The following SAMD4A variants were observed in gnomAD, a reference collection of about 807,000 sequenced individuals.
SAMD4A encodes the protein sterile alpha motif domain containing 4A.
SAMD4A carries 33 observed loss-of-function variants against 81.3 expected under a neutral mutation model. The observed-to-expected ratio is 0.41, with a 90% CI of 0.31 to 0.54. SAMD4A has a LOEUF of 0.54. Among genes scored for constraint, SAMD4A ranks in the 20% least tolerant of loss-of-function variants. SAMD4A has a pLI of 0.37. For missense variants in SAMD4A, 854 were observed against 951.1 expected (o/e 0.90, Z 1.34); for synonymous variants, 389 against 382.1 (o/e 1.02, Z -0.21).
chr14:54,772,029 G>A (rs551198271), intron 9 of SAMD4A, among the ~76,000 whole-genome samples: 4 of 152,290 alleles, frequency 2.6e-5, no homozygotes, highest in Admixed American at 2.6e-4. Flanking sequence ...TGTTCAACTG[G>A]ATGTTACTAT....
rs2039288756 is a variant in SAMD4A, at chr14:54,793,224, C to T, written c.*4280C>T. On this transcript the variant is annotated 3_prime_UTR_variant, in exon 13 of 13. Coordinates refer to ENST00000554335, the MANE Select transcript of SAMD4A (RefSeq NM_015589.6). ...GCTACAATGTATTTATTATTCATTT[C>T]CTCCCATGTAACTAAGAATCATGGC... The T allele has an allele frequency of 6.6e-6, 1 of 152,166 alleles. No homozygotes were observed. Among genetic ancestry groups the T allele is most frequent in the South Asian group, 2.1e-4 (1 of 4,828 alleles). The allele number at this position is 152,166 out of a possible 1,614,324, so 9.4% of individuals were successfully genotyped here. A position where few individuals can be genotyped will look rare whatever the true frequency, so the allele number is the denominator to read the frequency against.
At chr14:54,586,867 C>T (rs1163394764) in intron 2 of SAMD4A, among the ~76,000 whole-genome samples, 3 of 152,094 alleles carry the variant, frequency 2.0e-5, no homozygotes, top group African/African-American at 7.2e-5. Context: ...GTGATTCCTC[C>T]AGATTTGTGA....
Position 54,784,320 on chromosome 14 carries a change from T to C in SAMD4A, c.2045-217T>C, listed in dbSNP as rs1186630784. 5.2e-6 allele frequency: 8 copies of C among 1,537,576 alleles called. No individual in the cohort carries two copies. In the African/African-American group the frequency reaches 1.1e-4, roughly 21 times the overall value. ...AGACTGTGACATGACCAGCTATTTTTAGTCTCCGTTTTGTTCCAGGTTCCC... is the reference window on the plus strand; with the variant it reads ...AGACTGTGACATGACCAGCTATTTTCAGTCTCCGTTTTGTTCCAGGTTCCC... On this transcript the variant is annotated intron_variant, in intron 11 of 12. Transcript: ENST00000554335.
intron 3 of SAMD4A, among the ~76,000 whole-genome samples, chr14:54,717,354 A>C (rs1215000518): frequency 6.6e-6 from 1 of 151,468 alleles, no homozygotes; most frequent in Non-Finnish European, 1.5e-5. Flanking sequence ...AGGCAGAAGG[A>C]TCGCTTGAGC....
chr14:54,617,120 T>C (rs1008064332), intron 2 of SAMD4A, among the ~76,000 whole-genome samples: 1 of 152,168 alleles, frequency 6.6e-6, no homozygotes, highest in Admixed American at 6.5e-5. Flanking sequence ...TTTAATTGTG[T>C]GGTGATGTTT....
chr14:54,770,713 T>A (rs2139912155), intron 9 of SAMD4A, among the ~76,000 whole-genome samples: 1 of 152,358 alleles, frequency 6.6e-6, no homozygotes, highest in East Asian at 1.9e-4. Context: ...AGTGGAGCAG[T>A]ACAATTCTTG....
chr14:54,649,376 C>T (rs1409687323), intron 2 of SAMD4A, among the ~76,000 whole-genome samples: 3 of 152,014 alleles, frequency 2.0e-5, no homozygotes, highest in Non-Finnish European at 2.9e-5. Flanking sequence ...AGGAGTTGAC[C>T]CAGGAGAGAA....
At chr14:54,777,623 A>C (rs2038890596) in intron 11 of SAMD4A, among the ~76,000 whole-genome samples, 1 of 152,076 alleles carries the variant, frequency 6.6e-6, no homozygotes, top group Non-Finnish European at 1.5e-5. Context: ...GGATTCCTCC[A>C]CATGGGGGAT....
chr14:54,590,123 C>T (rs1342779819), intron 2 of SAMD4A, among the ~76,000 whole-genome samples: 1 of 152,094 alleles, frequency 6.6e-6, no homozygotes, highest in Non-Finnish European at 1.5e-5. Context: ...TGAGTTAATT[C>T]ACTGAATATT....
chr14:54,597,286 T>C (rs887741706), intron 2 of SAMD4A, among the ~76,000 whole-genome samples: 4 of 151,998 alleles, frequency 2.6e-5, no homozygotes, highest in Admixed American at 6.5e-5. Context: ...TTTTTTCTTT[T>C]TTTTTGAGAT....
At chr14:54,576,547 A>C (rs775601938) in intron 2 of SAMD4A, among the ~76,000 whole-genome samples, 1 of 152,238 alleles carries the variant, frequency 6.6e-6, no homozygotes, top group Non-Finnish European at 1.5e-5. Context: ...CTATGAGCGT[A>C]TGGATGAAGA....
chr14:54,788,782 TGAACACATGAAC>T, intron 12 of SAMD4A, 122 bp from the exon 13 acceptor site: 1 of 1,040,860 alleles, frequency 9.6e-7, no homozygotes, highest in South Asian at 1.3e-5. Flanking sequence ...TGTAAATGCG[TGAACACATGAAC>T]GTAGGTGCCC....
chr14:54,686,201 A>T (rs1423522700), intron 2 of SAMD4A, among the ~76,000 whole-genome samples: 1 of 152,084 alleles, frequency 6.6e-6, no homozygotes, highest in African/African-American at 2.4e-5. Context: ...GTGGGTGAGG[A>T]TGGGGAGTGC....
At chr14:54,690,330 A>G (rs987862020) in intron 2 of SAMD4A, among the ~76,000 whole-genome samples, 2 of 152,204 alleles carry the variant, frequency 1.3e-5, no homozygotes, top group Non-Finnish European at 2.9e-5. Flanking sequence ...AGACATATCT[A>G]CAGCAGAGAG....
chr14:54,711,446 C>G (rs1286167340), intron 3 of SAMD4A, among the ~76,000 whole-genome samples: 1 of 152,058 alleles, frequency 6.6e-6, no homozygotes, highest in African/African-American at 2.4e-5. Context: ...GGCCTGTAGT[C>G]TAGTTAGTTG....
intron 2 of SAMD4A, among the ~76,000 whole-genome samples, chr14:54,668,426 A>T (rs1162759341): frequency 2.6e-5 from 4 of 152,096 alleles, no homozygotes; most frequent in Non-Finnish European, 5.9e-5. Flanking sequence ...CTTATTTTCT[A>T]TTTGTCAAGA....
intron 2 of SAMD4A, among the ~76,000 whole-genome samples, chr14:54,675,809 T>C (rs1240477921): frequency 2.6e-5 from 4 of 152,190 alleles, no homozygotes; most frequent in African/African-American, 9.7e-5. Flanking sequence ...TACTCTGTGG[T>C]TATGGGGACA....
intron 2 of SAMD4A, among the ~76,000 whole-genome samples, chr14:54,647,405 A>C (rs556055708): frequency 6.0e-4 from 92 of 152,336 alleles, no homozygotes; most frequent in Non-Finnish European, 9.7e-4. Context: ...GAACAGTTCT[A>C]GGCCTGGGTA....
intron 4 of SAMD4A, among the ~76,000 whole-genome samples, chr14:54,747,913 C>T (rs1323156787): frequency 6.6e-6 from 1 of 152,202 alleles, no homozygotes; most frequent in Non-Finnish European, 1.5e-5. Flanking sequence ...TGGGCAAATA[C>T]TTTGTTTTGG....
Sources: gnomAD v4.1 joint callset for allele counts (sites outside exome capture counted in the v4.1 genomes callset) on GRCh38, gnomAD v4.1.1 for gene constraint, MANE v1.5 for transcripts, NCBI Gene and HGNC (gene_info 2026-07-23, HGNC 2026-07-21) for gene names.